The following IL15 variants were observed in gnomAD, a reference collection of about 807,000 sequenced individuals.
The protein encoded by IL15 is interleukin-15.
Under a neutral mutation model 19.6 loss-of-function variants are expected in IL15, and 11 were observed. That is an observed-to-expected ratio of 0.56 (90% confidence interval 0.35 to 0.93). The LOEUF (loss-of-function observed/expected upper bound fraction) is 0.93, where lower values mean the gene tolerates loss of function less well. Ranked by LOEUF, IL15 falls within the 40% of genes least tolerant of loss-of-function variation. The pLI is 0.01. For missense variants in IL15, 197 were observed against 186.5 expected (o/e 1.06, Z -0.33); for synonymous variants, 58 against 59.6 (o/e 0.97, Z 0.12).
At chr4:141,700,239 G>T (rs1256866207) in intron 2 of IL15, among the ~76,000 whole-genome samples, 1 of 152,064 alleles carries the variant, frequency 6.6e-6, no homozygotes, top group African/African-American at 2.4e-5. Flanking sequence ...CTTTAAGGAG[G>T]TTCTATTTTG....
intron 1 of IL15, among the ~76,000 whole-genome samples, chr4:141,652,935 C>G (rs1262814890): frequency 6.6e-6 from 1 of 151,986 alleles, no homozygotes; most frequent in Non-Finnish European, 1.5e-5. Context: ...TCATTTTCAC[C>G]GAATACGTTA....
At chr4:141,727,918 G>A (rs202042177) in intron 5 of IL15, 22 bp from the exon 6 acceptor site, 3 of 1,014,022 alleles carry the variant, frequency 3.0e-6, no homozygotes, top group South Asian at 2.8e-5. Context: ...TTTTAATATT[G>A]TCTAATTTTG....
At chr4:141,700,668 T>A (rs1452087863) in intron 2 of IL15, among the ~76,000 whole-genome samples, 1 of 152,206 alleles carries the variant, frequency 6.6e-6, no homozygotes, top group African/African-American at 2.4e-5. Context: ...CAGGTCTAGA[T>A]CTCTAACAAG....
At chr4:141,680,700 C>T (rs1207311668) in intron 2 of IL15, among the ~76,000 whole-genome samples, 2 of 152,156 alleles carry the variant, frequency 1.3e-5, no homozygotes, top group Admixed American at 6.5e-5. Context: ...TCCTACAGAA[C>T]ATCTCTCCCA....
At chr4:141,640,416 G>A (rs1382330342) in intron 1 of IL15, among the ~76,000 whole-genome samples, 2 of 151,886 alleles carry the variant, frequency 1.3e-5, no homozygotes, top group African/African-American at 4.8e-5. Flanking sequence ...GCTCCTTTTC[G>A]GATATCATAT....
rs753828089 is a variant in IL15, at chr4:141,721,984, G to A, written c.171G>A (p.Leu57=). The change falls in exon 5 of 8, where the codon TTG becomes TTA. Residue 57 remains leucine (L), a synonymous_variant. Coordinates refer to ENST00000320650, the MANE Select transcript of IL15 (RefSeq NM_000585.5). ...EANWVNVISD[L]KKIEDLIQSM... ...ACTGGGTGAATGTAATAAGTGATTT[G>A]AAAAAAATTGAAGATCTTATTCAAG... 6.3e-7 allele frequency: 1 copy of A among 1,590,182 alleles called. No individual in the cohort carries two copies. The highest frequency in any genetic ancestry group is 1.1e-5 in the South Asian group (1 of 88,446).
At position 141,719,368 on chromosome 4, in the gene IL15, T is replaced by G. The variant is rs1296176593; in HGVS notation, c.-97T>G. Reference sequence around the variant, plus strand: ...TAATGGATCATACTTTACCCTAGATTGTATTGTAGGAGGCATTGTGGATGG... The same window carrying G: ...TAATGGATCATACTTTACCCTAGATGGTATTGTAGGAGGCATTGTGGATGG... On this transcript the variant is annotated splice_region_variant and 5_prime_UTR_variant, in exon 3 of 8. It adds an upstream start codon to the 5' untranslated region. Coordinates refer to ENST00000320650, the MANE Select transcript of IL15 (RefSeq NM_000585.5). The G allele has an allele frequency of 1.5e-6, 1 of 678,368 alleles. No homozygotes were observed. The highest frequency in any genetic ancestry group is 2.7e-6 in the Non-Finnish European group (1 of 373,774). The allele number at this position is 678,368 out of a possible 1,614,324, so 42.0% of individuals were successfully genotyped here. A position where few individuals can be genotyped will look rare whatever the true frequency, so the allele number is the denominator to read the frequency against.
intron 2 of IL15, among the ~76,000 whole-genome samples, chr4:141,675,291 T>A (rs1728306194): frequency 6.6e-6 from 1 of 152,178 alleles, no homozygotes; most frequent in Non-Finnish European, 1.5e-5. Context: ...CATTAAAAGT[T>A]AAAATGTATC....
At chr4:141,689,268 C>G (rs372491779) in intron 2 of IL15, among the ~76,000 whole-genome samples, 16,787 of 151,248 alleles carry the variant, frequency 0.11, 1,013 homozygotes, top group Non-Finnish European at 0.14. Flanking sequence ...CTGCTGGCTC[C>G]GGCAGCCTGC....
At chr4:141,700,635 G>A (rs1335816177) in intron 2 of IL15, among the ~76,000 whole-genome samples, 2 of 152,128 alleles carry the variant, frequency 1.3e-5, no homozygotes, top group Admixed American at 6.6e-5. Context: ...TTTCCCAGGA[G>A]TTTTTAAAGC....
chr4:141,656,640 A>G (rs1050696984), intron 2 of IL15, among the ~76,000 whole-genome samples: 14 of 152,132 alleles, frequency 9.2e-5, no homozygotes, highest in African/African-American at 3.4e-4. Flanking sequence ...GCTATGTCCC[A>G]CCAGAAGTAT....
chr4:141,713,964 C>A (rs781250549), intron 2 of IL15, among the ~76,000 whole-genome samples: 1 of 151,966 alleles, frequency 6.6e-6, no homozygotes, highest in Non-Finnish European at 1.5e-5. Context: ...AAACACATAC[C>A]ACCCTAATGA....
At chr4:141,648,108 A>T (rs1343959353) in intron 1 of IL15, among the ~76,000 whole-genome samples, 1 of 151,988 alleles carries the variant, frequency 6.6e-6, no homozygotes, top group Non-Finnish European at 1.5e-5. Context: ...TGAGAAAAGG[A>T]GTTTGACCAT....
chr4:141,661,360 TG>T (rs1225376902), intron 2 of IL15, among the ~76,000 whole-genome samples: 1 of 152,182 alleles, frequency 6.6e-6, no homozygotes, highest in African/African-American at 2.4e-5. Flanking sequence ...AAGATGTTTT[TG>T]TTCCCATAAG....
intron 2 of IL15, among the ~76,000 whole-genome samples, chr4:141,691,387 TCA>T (rs1728906341): frequency 6.6e-6 from 1 of 152,050 alleles, no homozygotes; most frequent in Non-Finnish European, 1.5e-5. Flanking sequence ...TTGAAACCAA[TCA>T]CACCTTCCCA....
intron 1 of IL15, among the ~76,000 whole-genome samples, chr4:141,646,828 C>T (rs763248241): frequency 1.6e-4 from 25 of 152,148 alleles, no homozygotes; most frequent in Non-Finnish European, 3.1e-4. Context: ...ATTAACATCT[C>T]CCTTCATTAG....
At chr4:141,689,892 G>A (rs551767044) in intron 2 of IL15, among the ~76,000 whole-genome samples, 118 of 152,332 alleles carry the variant, frequency 7.7e-4, no homozygotes, top group Non-Finnish European at 1.4e-3. Flanking sequence ...ATGGGACTGG[G>A]CGCCGTGGAG....
intron 2 of IL15, among the ~76,000 whole-genome samples, chr4:141,661,059 G>A (rs1727769732): frequency 6.6e-6 from 1 of 152,136 alleles, no homozygotes; most frequent in African/African-American, 2.4e-5. Flanking sequence ...AAACCACAGA[G>A]AAAATTATGA....
chr4:141,684,054 G>A (rs1308292909), intron 2 of IL15, among the ~76,000 whole-genome samples: 1 of 152,162 alleles, frequency 6.6e-6, no homozygotes, highest in Non-Finnish European at 1.5e-5. Context: ...TACAATGCAG[G>A]TGAAAGACCC....
Sources: gnomAD v4.1 joint callset for allele counts (sites outside exome capture counted in the v4.1 genomes callset) on GRCh38, gnomAD v4.1.1 for gene constraint, MANE v1.5 for transcripts, NCBI Gene and HGNC (gene_info 2026-07-23, HGNC 2026-07-21) for gene names.